The following CALD1 variants were observed in gnomAD, a reference collection of about 807,000 sequenced individuals.
CALD1 encodes caldesmon.
A neutral mutation model predicts 99.9 loss-of-function variants in CALD1; 33 were observed. That is an observed-to-expected ratio of 0.33 (90% CI 0.25 to 0.44). The LOEUF is 0.44. CALD1 is among the 20% of genes least tolerant of loss of function. CALD1 has a pLI of 1.00. For synonymous variants in CALD1, 310 were observed against 325.0 expected (o/e 0.95, Z 0.50); for missense variants, 861 against 962.1 (o/e 0.89, Z 1.39).
chr7:134,748,428 G>A (rs1796654376), intron 1 of CALD1, among the ~76,000 whole-genome samples: 1 of 152,200 alleles, frequency 6.6e-6, no homozygotes, highest in Admixed American at 6.5e-5. Context: ...AAGGATATGA[G>A]GCTGGGCGCA....
chr7:134,962,062 G>A (rs1248801263), intron 13 of CALD1: 1 of 152,102 alleles, frequency 6.6e-6, no homozygotes, highest in Non-Finnish European at 1.5e-5. Context: ...AAAGATCTAT[G>A]TTTCCCTCTT....
At chr7:134,748,708 T>TCCCA (rs1796657552) in intron 1 of CALD1, among the ~76,000 whole-genome samples, 2 of 132,276 alleles carry the variant, frequency 1.5e-5, no homozygotes, top group African/African-American at 3.0e-5. Context: ...TGAAACTCCA[T>TCCCA]CCCCCCGCCC....
At chr7:134,945,301 G>A (rs1393411476) in intron 7 of CALD1, among the ~76,000 whole-genome samples, 3 of 152,192 alleles carry the variant, frequency 2.0e-5, no homozygotes, top group Admixed American at 6.5e-5. Context: ...GACCTAGACT[G>A]TAGAAACTCT....
chr7:134,963,944 A>G (rs1436435443), intron 13 of CALD1, among the ~76,000 whole-genome samples: 3 of 152,228 alleles, frequency 2.0e-5, no homozygotes, highest in African/African-American at 7.2e-5. Flanking sequence ...CACGCCTGTA[A>G]TCCCAGCACT....
intron 9 of CALD1, among the ~76,000 whole-genome samples, chr7:134,957,335 G>A (rs931662452): frequency 6.6e-6 from 1 of 152,098 alleles, no homozygotes; most frequent in Admixed American, 6.5e-5. Context: ...TTTGTTACTC[G>A]AATAGCATGG....
At chr7:134,773,160 T>C (rs1485748773) in intron 1 of CALD1, among the ~76,000 whole-genome samples, 1 of 152,194 alleles carries the variant, frequency 6.6e-6, no homozygotes, top group Non-Finnish European at 1.5e-5. Context: ...TTCTTACTAT[T>C]TTTTTTCTGT....
At chr7:134,905,969 T>A (rs1803352959) in intron 3 of CALD1, among the ~76,000 whole-genome samples, 2 of 138,584 alleles carry the variant, frequency 1.4e-5, no homozygotes, top group Admixed American at 7.5e-5. Context: ...TGCTCTTGTC[T>A]CCCATTCTGG....
At chr7:134,714,143 C>T in the CALD1 span, among the ~76,000 whole-genome samples, 4 of 152,136 alleles carry the variant, frequency 2.6e-5, no homozygotes, top group African/African-American at 4.8e-5. Flanking sequence ...GAAAGTTTCC[C>T]GAGGCCTCCA....
At chr7:134,847,815 G>A (rs1386291057) in intron 2 of CALD1, among the ~76,000 whole-genome samples, 2 of 152,198 alleles carry the variant, frequency 1.3e-5, no homozygotes, top group African/African-American at 4.8e-5. Flanking sequence ...ACGGTGCCAG[G>A]AGCTCTTGTC....
intron 8 of CALD1, among the ~76,000 whole-genome samples, chr7:134,948,896 CAT>C (rs1465263065): frequency 6.6e-6 from 1 of 150,848 alleles, no homozygotes; most frequent in Non-Finnish European, 1.5e-5. Flanking sequence ...TTTTTTTAGA[CAT>C]AGTCTTGCTC....
At chr7:134,718,991 A>T in the CALD1 span, among the ~76,000 whole-genome samples, 1 of 152,210 alleles carries the variant, frequency 6.6e-6, no homozygotes, top group Non-Finnish European at 1.5e-5. Context: ...TAGCCTCATG[A>T]CTACTGTGTA....
chr7:134,789,743 A>C (rs1797448362), intron 1 of CALD1, among the ~76,000 whole-genome samples: 2 of 152,132 alleles, frequency 1.3e-5, no homozygotes, highest in Admixed American at 1.3e-4. Flanking sequence ...TGGGGTCTCC[A>C]GGAGGTAAGA....
chr7:134,744,016 G>A (rs184797965), upstream of CALD1, among the ~76,000 whole-genome samples: 14 of 152,214 alleles, frequency 9.2e-5, no homozygotes, highest in Admixed American at 5.2e-4. Flanking sequence ...AAAAATAAGC[G>A]GGCTGTGTTA....
At chr7:134,922,423 C>A (rs1363491247) in intron 3 of CALD1, among the ~76,000 whole-genome samples, 1 of 151,962 alleles carries the variant, frequency 6.6e-6, no homozygotes, top group South Asian at 2.1e-4. Flanking sequence ...TAGTCTCAAA[C>A]CAGAAGATAC....
chr7:134,882,636 G>A (rs1437399837), intron 3 of CALD1, among the ~76,000 whole-genome samples: 2 of 152,198 alleles, frequency 1.3e-5, no homozygotes, highest in South Asian at 2.1e-4. Context: ...TTGTGGTCAG[G>A]AGGAGTAAAG....
chr7:134,721,875 G>A, the CALD1 span, among the ~76,000 whole-genome samples: 2 of 152,224 alleles, frequency 1.3e-5, 1 homozygote, highest in African/African-American at 4.8e-5. Context: ...ATAGTAGTGG[G>A]GTAGCTCGTG....
At chr7:134,891,539 C>G in intron 3 of CALD1, 1 of 1,531,636 alleles carries the variant, frequency 6.5e-7, no homozygotes, top group Non-Finnish European at 8.8e-7. Context: ...GGCCCCTCCG[C>G]GGGCCCAGCC....
At chr7:134,909,737 A>G (rs751327120) in intron 3 of CALD1, among the ~76,000 whole-genome samples, 9 of 152,238 alleles carry the variant, frequency 5.9e-5, no homozygotes, top group Non-Finnish European at 1.0e-4. Context: ...AGCTGGGAAT[A>G]TAAATTAGAG....
Position 134,851,114 on chromosome 7 carries a change from A to AT in CALD1, c.-42+7150dup, listed in dbSNP as rs1279103777. ...AGTGTGAGAATAGACTAATACAAGC[A>AT]TTTTTTTCAAATTTTGAGTCTGAAT... On this transcript the variant is annotated intron_variant, in intron 2 of 14. Coordinates refer to ENST00000361675, the MANE Select transcript of CALD1 (RefSeq NM_033138.4). Among the ~76,000 whole-genome samples, 7 of 152,176 alleles carry AT rather than the reference A, an allele frequency of 4.6e-5. No homozygotes were observed. The East Asian group carries it at 5.8e-4, about 13-fold the overall frequency.
Sources: allele counts gnomAD v4.1 joint callset (sites outside exome capture counted in the v4.1 genomes callset), GRCh38; gene constraint gnomAD v4.1.1; transcripts MANE v1.5; gene names NCBI Gene and HGNC (gene_info 2026-07-23, HGNC 2026-07-21).